Variants in ZNF667 observed in about 807,000 individuals in gnomAD.
ZNF667 encodes myocardial ischemic preconditioning upregulated 1 ortholog.
A neutral mutation model predicts 31.8 loss-of-function variants in ZNF667; 13 were observed. The observed-to-expected ratio is 0.41, with a 90% CI of 0.27 to 0.65. The LOEUF (loss-of-function observed/expected upper bound fraction) is 0.65. ZNF667 is among the 30% of genes least tolerant of loss of function. The pLI is 0.32. For missense variants in ZNF667, 642 were observed against 725.6 expected (o/e 0.88, Z 1.32); for synonymous variants, 228 against 247.1 (o/e 0.92, Z 0.73).
chr19:56,464,429 G>C (rs1271333313), intron 3 of ZNF667, among the ~76,000 whole-genome samples: 1 of 152,208 alleles, frequency 6.6e-6, no homozygotes, highest in African/African-American at 2.4e-5. Flanking sequence ...GGGAGGCAGA[G>C]GTTGAGGTGG....
intron 3 of ZNF667, chr19:56,470,087 T>C (rs536640523): frequency 6.6e-6 from 3 of 453,566 alleles, no homozygotes; most frequent in Admixed American, 2.4e-5. Context: ...GGCAAGTTAC[T>C]GAACCTTGCT....
intron 5 of ZNF667, among the ~76,000 whole-genome samples, chr19:56,458,674 G>A (rs2042983642): frequency 6.6e-6 from 1 of 152,128 alleles, no homozygotes; most frequent in Non-Finnish European, 1.5e-5. Flanking sequence ...CCTACCTGAA[G>A]CCTCCTTAAA....
At chr19:56,462,252 A>G (rs2043060187) in intron 4 of ZNF667, 86 bp downstream of exon 4, 2 of 1,541,906 alleles carry the variant, frequency 1.3e-6, no homozygotes, top group Non-Finnish European at 1.8e-6. Context: ...CCAACAGGCA[A>G]CAAGTCTCCA....
At chr19:56,459,720 G>A (rs2043004966) in intron 5 of ZNF667, among the ~76,000 whole-genome samples, 1 of 152,194 alleles carries the variant, frequency 6.6e-6, no homozygotes, top group Non-Finnish European at 1.5e-5. Context: ...AGGGCTGAGT[G>A]CGGTGGCTCA....
intron 4 of ZNF667, among the ~76,000 whole-genome samples, chr19:56,461,568 C>T (rs1305761478): frequency 6.6e-6 from 1 of 152,198 alleles, no homozygotes; most frequent in Non-Finnish European, 1.5e-5. Context: ...AGCAGATGAC[C>T]CAGCTAAACC....
chr19:56,447,590 TA>T (rs1042756864), intron 6 of ZNF667, among the ~76,000 whole-genome samples: 2 of 149,212 alleles, frequency 1.3e-5, no homozygotes, highest in South Asian at 2.1e-4. Context: ...CCTGTCTCCT[TA>T]AAAAAAAACA....
At chr19:56,464,368 C>T (rs1167733307) in intron 3 of ZNF667, among the ~76,000 whole-genome samples, 2 of 151,976 alleles carry the variant, frequency 1.3e-5, no homozygotes, top group Admixed American at 6.6e-5. Flanking sequence ...GTGGTGTGTG[C>T]CTGTAGTCCT....
At chr19:56,461,643 A>G (rs2043047237) in intron 4 of ZNF667, among the ~76,000 whole-genome samples, 2 of 152,214 alleles carry the variant, frequency 1.3e-5, no homozygotes, top group African/African-American at 4.8e-5. Context: ...TTGAGCTGCC[A>G]AGTTTGCAGC....
At chr19:56,473,893 C>A (rs192313367) in intron 2 of ZNF667, 119 bp downstream of exon 2, 1 of 152,266 alleles carries the variant, frequency 6.6e-6, no homozygotes, top group East Asian at 1.9e-4. Flanking sequence ...AAGAAAGGAA[C>A]CAGGTTATAT....
intron 2 of ZNF667, 61 bp from the exon 3 acceptor site, chr19:56,472,248 C>T (rs1429949549): frequency 2.0e-5 from 3 of 152,186 alleles, no homozygotes; most frequent in African/African-American, 7.2e-5. Context: ...CTTGCCTCTG[C>T]CAATTACTGG....
intron 6 of ZNF667, chr19:56,444,420 G>A (rs957479064): frequency 2.3e-5 from 9 of 392,534 alleles, no homozygotes; most frequent in African/African-American, 6.2e-5. Flanking sequence ...ACCACCAAGG[G>A]AATGGTGCTA....
intron 6 of ZNF667, 113 bp downstream of exon 6, chr19:56,458,042 C>T: frequency 1.0e-6 from 1 of 968,124 alleles, no homozygotes; most frequent in Non-Finnish European, 1.6e-6. Flanking sequence ...ACTTCTCAGC[C>T]TCCAGAACTG....
At chr19:56,465,709 G>A (rs1442615935) in intron 3 of ZNF667, among the ~76,000 whole-genome samples, 1 of 152,164 alleles carries the variant, frequency 6.6e-6, no homozygotes, top group Non-Finnish European at 1.5e-5. Context: ...ACCCTACTGT[G>A]TGGCACCCTC....
intron 6 of ZNF667, among the ~76,000 whole-genome samples, chr19:56,452,293 G>A (rs188000994): frequency 4.0e-5 from 6 of 151,878 alleles, no homozygotes; most frequent in Non-Finnish European, 7.4e-5. Flanking sequence ...CAGGTGATCC[G>A]CCCACCTCGG....
intron 3 of ZNF667, among the ~76,000 whole-genome samples, chr19:56,469,144 T>C (rs890071556): frequency 4.6e-5 from 7 of 152,168 alleles, no homozygotes; most frequent in African/African-American, 1.7e-4. Context: ...AGAGGTCGGC[T>C]GGTGATCGCT....
chr19:56,476,247 G>A (rs1488105593), intron 1 of ZNF667, among the ~76,000 whole-genome samples: 1 of 152,084 alleles, frequency 6.6e-6, no homozygotes, highest in Non-Finnish European at 1.5e-5. Flanking sequence ...GTAGGAAGGG[G>A]ACACAACCAT....
At position 56,442,114 on chromosome 19, in the gene ZNF667, G is replaced by C. The variant is rs763463281; in HGVS notation, c.881C>G (p.Ser294Ter). 1.2e-5 allele frequency: 19 copies of C among 1,613,434 alleles called. No homozygotes were observed. Among genetic ancestry groups the C allele is most frequent in the Non-Finnish European group, 1.6e-5 (19 of 1,179,826 alleles). Residue 294 changes from serine (S) to a stop codon, truncating the protein, a stop_gained, in exon 7 of 7, where the codon TCA becomes TGA. Transcript: ENST00000504904. LOFTEE classifies it high-confidence loss of function. ...AATTCTTTTATGTACAACAAAGACTGATTTCTTTTTGAAGCCTCTCCCACA... is the reference window on the plus strand; with the variant it reads ...AATTCTTTTATGTACAACAAAGACTCATTTCTTTTTGAAGCCTCTCCCACA... ...NKCGRGFKKK[S>*]VFVVHKRIHA...
At chr19:56,456,047 A>G (rs1434597406) in intron 6 of ZNF667, among the ~76,000 whole-genome samples, 1 of 152,222 alleles carries the variant, frequency 6.6e-6, no homozygotes, top group Non-Finnish European at 1.5e-5. Context: ...TCACTTGGGA[A>G]TGACAGAGAT....
intron 3 of ZNF667, among the ~76,000 whole-genome samples, chr19:56,465,110 T>A (rs2043130767): frequency 6.6e-6 from 1 of 152,236 alleles, no homozygotes; most frequent in Non-Finnish European, 1.5e-5. Context: ...CATCCCTAAA[T>A]GTTCCAGCAC....
Sources: allele counts gnomAD v4.1 joint callset (sites outside exome capture counted in the v4.1 genomes callset), GRCh38; gene constraint gnomAD v4.1.1; transcripts MANE v1.5; gene names NCBI Gene and HGNC (gene_info 2026-07-23, HGNC 2026-07-21).